CHAT: variants seen among roughly 807,000 people sequenced by gnomAD.
CHAT encodes choline O-acetyltransferase, also known as acetyl CoA:choline O-acetyltransferase.
CHAT carries 61 observed loss-of-function variants against 76.9 expected under a neutral mutation model. The observed-to-expected ratio is 0.79, with a 90% CI of 0.65 to 0.98. The LOEUF (loss-of-function observed/expected upper bound fraction) is 0.98. Among genes scored for constraint, CHAT ranks in the 50% least tolerant of loss-of-function variants. The pLI is 0.00. For synonymous variants in CHAT, 407 were observed against 397.4 expected (o/e 1.02, Z -0.29); for missense variants, 946 against 986.9 (o/e 0.96, Z 0.56).
At chr10:49,651,227 C>T (rs553157238) in intron 10 of CHAT, among the ~76,000 whole-genome samples, 16 of 151,968 alleles carry the variant, frequency 1.1e-4, no homozygotes, top group African/African-American at 3.4e-4. Context: ...GGAACTGGGT[C>T]TCCTCCAAGT....
chr10:49,616,022 G>A (rs368356350), intron 1 of CHAT: 3 of 1,612,366 alleles, frequency 1.9e-6, no homozygotes, highest in African/African-American at 1.3e-5. Flanking sequence ...CACCAACGGA[G>A]TGAGGGAATT....
rs1005755959 is a variant in CHAT at position 49,614,280 on chromosome 10, G to A, written c.91G>A (p.Val31Met). The A allele has an allele frequency of 4.5e-6, 7 of 1,548,406 alleles. No individual in the cohort carries two copies. The highest frequency in any genetic ancestry group is 5.2e-6 in the Non-Finnish European group (6 of 1,146,442). Residue 31 changes from valine (V) to methionine (M), a missense_variant, in exon 1 of 15, where the codon GTG (valine) becomes ATG (methionine). Val to Met is a conservative substitution (Grantham distance 21). Around this residue, in one of 3 missense-constraint regions of CHAT, gnomAD observed 548 missense variants for 516.2 expected, o/e 1.06. Transcript: ENST00000337653. ...AGGAGGTACAAGAGGAAGGAGAGAAGTGCGGCCAGCTTGCTTTCTCCAGTC... is the reference window on the plus strand; with the variant it reads ...AGGAGGTACAAGAGGAAGGAGAGAAATGCGGCCAGCTTGCTTTCTCCAGTC... ...EGGGTRGRREVRPACFLQSGG... is the reference protein window; with the variant it reads ...EGGGTRGRREMRPACFLQSGG...
chr10:49,646,094 A>G lies in CHAT; in HGVS notation c.1112-411A>G, dbSNP rs534934078. 2.0e-5 allele frequency among the ~76,000 whole-genome samples: 3 copies of G among 152,378 alleles called. No homozygotes were observed. In the East Asian group the frequency reaches 5.8e-4, roughly 29 times the overall value. ...GTTCAGCACAAACAAGCATGCCTAC[A>G]CACAGATGTGGCTCACAGGAGCCCC... is the stretch of plus-strand genomic sequence containing the variant. On this transcript the variant is annotated intron_variant, in intron 7 of 14. Coordinates refer to ENST00000337653, the MANE Select transcript of CHAT (RefSeq NM_020549.5).
intron 10 of CHAT, among the ~76,000 whole-genome samples, chr10:49,651,344 G>C (rs1655753858): frequency 1.3e-5 from 2 of 151,920 alleles, no homozygotes; most frequent in African/African-American, 4.8e-5. Flanking sequence ...GACAGAAGGT[G>C]TGCGTGTGGG....
chr10:49,648,185 C>G (rs2132807203), intron 8 of CHAT, among the ~76,000 whole-genome samples: 1 of 152,270 alleles, frequency 6.6e-6, no homozygotes, highest in Admixed American at 6.5e-5. Context: ...AGGGCCTCAC[C>G]CAGGCCCCAA....
intron 7 of CHAT, among the ~76,000 whole-genome samples, chr10:49,645,338 C>T (rs1037115364): frequency 1.3e-5 from 2 of 152,196 alleles, no homozygotes; most frequent in Non-Finnish European, 2.9e-5. Context: ...GTCAGGCTCT[C>T]CTGGTGATAC....
upstream of CHAT, chr10:49,612,405 T>G: frequency 6.8e-7 from 1 of 1,473,650 alleles, no homozygotes; most frequent in Non-Finnish European, 9.2e-7. Context: ...GCAAGCCCAC[T>G]GGCCAGCTCT....
In CHAT at chr10:49,655,125, G is replaced by A. The variant is rs1839992220; in HGVS notation, c.1665G>A (p.Glu555=). 1.9e-6 allele frequency: 3 copies of A among 1,613,978 alleles called. No homozygotes were observed. Among genetic ancestry groups the A allele is most frequent in the South Asian group, 2.2e-5 (2 of 91,060 alleles). Residue 555 remains glutamate (E), a synonymous_variant, in exon 12 of 15, where the codon GAG becomes GAA. Transcript: ENST00000337653. ...RLHRRLVPTY[E]SASIRRFQEG... ...ATCGAAGACTGGTGCCCACCTACGA[G>A]AGCGCGTCCATCCGCCGATTCCAGG...
chr10:49,610,598 G>A, upstream of CHAT: 1 of 742,278 alleles, frequency 1.3e-6, no homozygotes, highest in Non-Finnish European at 2.0e-6. Flanking sequence ...GCTGGGCCAT[G>A]AGCTCCGCGG....
chr10:49,638,623 G>A (rs1839372632), intron 7 of CHAT, among the ~76,000 whole-genome samples: 2 of 152,146 alleles, frequency 1.3e-5, no homozygotes, highest in South Asian at 4.2e-4. Context: ...GTTTCTGTAG[G>A]TATTACCTTG....
At chr10:49,610,880 A>G (rs371496515), upstream of CHAT, 1 of 1,613,176 alleles carries the variant, frequency 6.2e-7, no homozygotes, top group Non-Finnish European at 8.5e-7. Flanking sequence ...TTACTGGACA[A>G]CATGCTGTAC....
At chr10:49,612,233 G>A, upstream of CHAT, 1 of 1,609,244 alleles carries the variant, frequency 6.2e-7, no homozygotes, top group Non-Finnish European at 8.5e-7. Context: ...GATGCGGTGC[G>A]CCTGCGTGAG....
At chr10:49,639,402 T>A (rs1289923858) in intron 7 of CHAT, among the ~76,000 whole-genome samples, 1 of 152,086 alleles carries the variant, frequency 6.6e-6, no homozygotes, top group Non-Finnish European at 1.5e-5. Context: ...GAATTCTGGA[T>A]TGATAGTTCT....
In CHAT at chr10:49,665,559, C is replaced by T. The variant is rs187231623; in HGVS notation, c.*513C>T. Among the ~76,000 whole-genome samples, 409 of 152,244 alleles carry T rather than the reference C, an allele frequency of 2.7e-3. 1 individual carries two copies. The highest frequency in any genetic ancestry group is 0.01 in the Middle Eastern group (3 of 294). On this transcript the variant is annotated 3_prime_UTR_variant, in exon 15 of 15. Coordinates refer to ENST00000337653, the MANE Select transcript of CHAT (RefSeq NM_020549.5). Reference sequence around the variant, plus strand: ...CAGAGCATTCTTATCGTGGCATTCCCAGTGTCTCCACTGAGCCGTACAGTC... The same window carrying T: ...CAGAGCATTCTTATCGTGGCATTCCTAGTGTCTCCACTGAGCCGTACAGTC...
chr10:49,665,187 A>G lies in CHAT; in HGVS notation c.*141A>G, dbSNP rs1279481531. On this transcript the variant is annotated 3_prime_UTR_variant, in exon 15 of 15. Transcript: ENST00000337653. ...CTCACAGACCATACAGAGACATCAC[A>G]CAGAGCCGGAGTGTTAGGAGGAAAG... 2.2e-6 allele frequency: 2 copies of G among 910,120 alleles called. No individual in the cohort carries two copies. The highest frequency in any genetic ancestry group is 3.3e-5 in the African/African-American group (2 of 61,340). 56.4% of individuals were successfully genotyped at this position (910,120 alleles called of 1,614,324 possible). A position where few individuals can be genotyped will look rare whatever the true frequency, so the allele number is the denominator to read the frequency against.
At position 49,666,423 on chromosome 10, in the gene CHAT, A is replaced by G. The variant is rs527254605; in HGVS notation, c.*1377A>G. Among the ~76,000 whole-genome samples the G allele has an allele frequency of 1.0e-3, 158 of 152,296 alleles. 1 individual carries two copies. The highest frequency in any genetic ancestry group is 3.6e-3 in the African/African-American group (151 of 41,558). On this transcript the variant is annotated 3_prime_UTR_variant, in exon 15 of 15. Coordinates refer to ENST00000337653, the MANE Select transcript of CHAT (RefSeq NM_020549.5). ...TATGGGAAGTCTAAAGGGCAGAGGG[A>G]GGGAGTAAGAAAGCAACCAGAGAAA...
Position 49,619,917 on chromosome 10 carries a change from G to A in CHAT, c.579+1G>A. On this transcript the variant is annotated splice_donor_variant, in intron 3 of 14. Coordinates refer to ENST00000337653, the MANE Select transcript of CHAT (RefSeq NM_020549.5). LOFTEE classifies it high-confidence loss of function. ...GCGGCAGGAGAAGACAGCCAACTGG[G>A]TAAGAGGGGCAGACAAGGAACCCAT... 6.2e-7 allele frequency: 1 copy of A among 1,610,378 alleles called. No homozygotes were observed. The highest frequency in any genetic ancestry group is 1.1e-5 in the South Asian group (1 of 90,048).
chr10:49,650,133 G>A (rs1590612591), intron 10 of CHAT, among the ~76,000 whole-genome samples: 1 of 152,124 alleles, frequency 6.6e-6, no homozygotes, highest in African/African-American at 2.4e-5. Flanking sequence ...CCACATCCTG[G>A]CAACCACGTC....
At chr10:49,662,449 G>C (rs370721271) in intron 13 of CHAT, among the ~76,000 whole-genome samples, 196 bp from the exon 14 acceptor site, 1 of 152,140 alleles carries the variant, frequency 6.6e-6, no homozygotes, top group Non-Finnish European at 1.5e-5. Context: ...AATGCGCAAG[G>C]GCCCGGGAGC....
Sources: allele counts gnomAD v4.1 joint callset (sites outside exome capture counted in the v4.1 genomes callset), GRCh38; gene constraint gnomAD v4.1.1; regional missense constraint gnomAD v4.1.1; transcripts MANE v1.5; gene names NCBI Gene and HGNC (gene_info 2026-07-23, HGNC 2026-07-21).